FAM216B: variants seen among roughly 807,000 people sequenced by gnomAD.
The protein encoded by FAM216B is protein FAM216B.
In FAM216B, 11 loss-of-function variants were observed where a neutral mutation model predicts 12.9. The observed-to-expected ratio is 0.86, with a 90% CI of 0.54 to 1.42. The LOEUF (loss-of-function observed/expected upper bound fraction) is 1.42, where lower values mean the gene tolerates loss of function less well. FAM216B is among the 40% of genes most tolerant of loss of function. The pLI is 0.00. For missense variants in FAM216B, 167 were observed against 162.9 expected, an observed-to-expected ratio of 1.02 and a Z score of -0.14; for synonymous variants, 52 against 57.2, an observed-to-expected ratio of 0.91 and a Z score of 0.41.
In FAM216B at chr13:42,784,186, T is replaced by TTTTTTTC; in HGVS notation, c.99+26_99+27insCTTTTTT. The stretch of plus-strand genomic sequence containing the variant: ...CTAAAGGTATGGCTTTTTTTTTTTT[T>TTTTTTTC]TTTTTTTCACAGATAGAGTGACCTG... On this transcript the variant is annotated intron_variant, in intron 2 of 3. Transcript: ENST00000313851. 6.5e-7 allele frequency: 1 copy of TTTTTTTC among 1,537,576 alleles called. No individual in the cohort carries two copies. Among genetic ancestry groups the TTTTTTTC allele is most frequent in the South Asian group, 1.2e-5 (1 of 80,478 alleles).
At position 42,790,586 on chromosome 13, in the gene FAM216B, G is replaced by A. The variant is rs1874279355; in HGVS notation, c.*1796G>A. ...AAGATGATAATATGCCCCTGCACTT[G>A]AGACCTTACTTGAAACTTAAAGAAA... On this transcript the variant is annotated 3_prime_UTR_variant, in exon 4 of 4. Transcript: ENST00000313851. 6.6e-6 allele frequency: 1 copy of A among 152,148 alleles called. No homozygotes were observed. The highest frequency in any genetic ancestry group is 2.4e-5 in the African/African-American group (1 of 41,440). The allele number at this position is 152,148 out of a possible 1,614,324, so 9.4% of individuals were successfully genotyped here. A position where few individuals can be genotyped will look rare whatever the true frequency, so the allele number is the denominator to read the frequency against.
chr13:42,784,264 G>A (rs1293421237), intron 2 of FAM216B, 98 bp downstream of exon 2: 3 of 808,230 alleles, frequency 3.7e-6, no homozygotes. Flanking sequence ...TGTTTACCTA[G>A]CATTAAGAAG....
At chr13:42,788,555 G>A in intron 3 of FAM216B, 36 bp from the exon 4 acceptor site, 1 of 1,515,696 alleles carries the variant, frequency 6.6e-7, no homozygotes, top group Non-Finnish European at 8.9e-7. Flanking sequence ...TTGTAAAATT[G>A]TTGATTTTGA....
chr13:42,785,302 A>C (rs1031347527), intron 2 of FAM216B, among the ~76,000 whole-genome samples: 5 of 152,216 alleles, frequency 3.3e-5, no homozygotes, highest in Admixed American at 1.3e-4. Flanking sequence ...AAAACCAAAA[A>C]CAAAACAAAA....
At chr13:42,787,192 A>G (rs1874126561) in intron 3 of FAM216B, among the ~76,000 whole-genome samples, 2 of 152,236 alleles carry the variant, frequency 1.3e-5, no homozygotes, top group South Asian at 4.1e-4. Context: ...CGAGGCTCAA[A>G]GCACAGCTCA....
chr13:42,787,864 G>A (rs1324427), intron 3 of FAM216B, among the ~76,000 whole-genome samples: 2 of 151,978 alleles, frequency 1.3e-5, no homozygotes, highest in African/African-American at 4.8e-5. Flanking sequence ...TCAAACACCT[G>A]TATGTGGCAG....
At chr13:42,785,884 A>G (rs1874065906) in intron 2 of FAM216B, among the ~76,000 whole-genome samples, 2 of 152,152 alleles carry the variant, frequency 1.3e-5, no homozygotes, top group Admixed American at 1.3e-4. Context: ...TGCTAAGCAC[A>G]TCCCAGGCCT....
chr13:42,784,173 CTTTTTTTTT>C lies in FAM216B; in HGVS notation c.99+19_99+27del. ...TGACACTTCCTTACTAAAGGTATGG[CTTTTTTTTT>C]TTTTTTTTTTTCACAGATAGAGTGA... On this transcript the variant is annotated splice_region_variant and intron_variant, in intron 2 of 3. Transcript: ENST00000313851. 1 of 750,736 alleles carries C rather than the reference CTTTTTTTTT, an allele frequency of 1.3e-6. No individual in the cohort carries two copies. The highest frequency in any genetic ancestry group is 2.8e-5 in the African/African-American group (1 of 35,314). 46.5% of individuals were successfully genotyped at this position (750,736 alleles called of 1,614,324 possible). A position where few individuals can be genotyped will look rare whatever the true frequency, so the allele number is the denominator to read the frequency against.
rs545884161 is a variant in FAM216B at position 42,784,055 on chromosome 13, T to G, written c.-13T>G. On this transcript the variant is annotated splice_region_variant and 5_prime_UTR_variant, in exon 2 of 4. Transcript: ENST00000313851. ...GCTATGCTTTGTTGTTTCTTGGAGG[T>G]ATAGGATAAACGATGGGACAAAACT... is the stretch of plus-strand genomic sequence containing the variant. 1.0e-5 allele frequency: 16 copies of G among 1,585,706 alleles called. No individual in the cohort carries two copies. The South Asian group carries it at 1.6e-4, about 16-fold the overall frequency.
rs1874246993 is a variant in FAM216B at position 42,789,696 on chromosome 13, A to AAAG, written c.*907_*909dup. 1 of 151,898 alleles carries AAAG rather than the reference A, an allele frequency of 6.6e-6. No individual in the cohort carries two copies. Among genetic ancestry groups the AAAG allele is most frequent in the South Asian group, 2.1e-4 (1 of 4,810 alleles). The allele number at this position is 151,898 out of a possible 1,614,324, so 9.4% of individuals were successfully genotyped here. ...AAAAATCAGTCACCAGTGCTCATGT[A>AAAG]AAGTCAAAACAAAAAAATGCTTCTT... On this transcript the variant is annotated 3_prime_UTR_variant, in exon 4 of 4. Transcript: ENST00000313851.
In FAM216B at chr13:42,788,708, CAAG is replaced by C. The variant is rs1566065124; in HGVS notation, c.343_345del (p.Arg115del). 9.9e-6 allele frequency: 16 copies of C among 1,613,832 alleles called. No homozygotes were observed. The highest frequency in any genetic ancestry group is 2.2e-5 in the South Asian group (2 of 91,068). ...ATTCCCCGGAAAACTTCAGCCATGACAAGAAGATGTCCATCAGTACTACCTGTA... is the reference window on the plus strand; with the variant it reads ...ATTCCCCGGAAAACTTCAGCCATGACAAGATGTCCATCAGTACTACCTGTA... On this transcript the variant is annotated inframe_deletion, in exon 4 of 4. Coordinates refer to ENST00000313851, the MANE Select transcript of FAM216B (RefSeq NM_001318932.2).
chr13:42,782,459 C>A (rs911056814), intron 1 of FAM216B, among the ~76,000 whole-genome samples: 2 of 152,152 alleles, frequency 1.3e-5, no homozygotes, highest in African/African-American at 4.8e-5. Context: ...GGCCATACAG[C>A]CTCTATTACA....
rs1874194923 is a variant in FAM216B at position 42,788,758 on chromosome 13, CA to C, written c.391del (p.Ser131ValfsTer28). On this transcript the variant is annotated frameshift_variant, in exon 4 of 4. Transcript: ENST00000313851. LOFTEE classifies it low-confidence loss of function (END_TRUNC). ...LPVSVVLPRA[Q>X]SKRRQVLRN ...TGTATCTGTGGTTCTACCTAGGGCC[CA>C]AAGTAAAAGGCGCCAAGTGCTCAGG... The C allele has an allele frequency of 6.2e-7, 1 of 1,612,966 alleles. No individual in the cohort carries two copies. The highest frequency in any genetic ancestry group is 1.1e-5 in the South Asian group (1 of 90,934).
intron 3 of FAM216B, 43 bp downstream of exon 3, chr13:42,786,926 A>G (rs752822756): frequency 1.2e-6 from 2 of 1,608,742 alleles, no homozygotes; most frequent in South Asian, 2.2e-5. Context: ...CTAAGGAATC[A>G]ACTCGTGCTG....
In FAM216B at chr13:42,791,228, A is replaced by T. The variant is rs1874303636; in HGVS notation, c.*2438A>T. Reference sequence around the variant, plus strand: ...CTGTTGAGTTTTAAATAATACATATATGTAAGCTTCAAAGTAGCACATTTG... The same window carrying T: ...CTGTTGAGTTTTAAATAATACATATTTGTAAGCTTCAAAGTAGCACATTTG... On this transcript the variant is annotated 3_prime_UTR_variant, in exon 4 of 4. Coordinates refer to ENST00000313851, the MANE Select transcript of FAM216B (RefSeq NM_001318932.2). 1 of 152,202 alleles carries T rather than the reference A, an allele frequency of 6.6e-6. No individual in the cohort carries two copies. The highest frequency in any genetic ancestry group is 1.5e-5 in the Non-Finnish European group (1 of 68,032). 9.4% of individuals were successfully genotyped at this position (152,202 alleles called of 1,614,324 possible). A position where few individuals can be genotyped will look rare whatever the true frequency, so the allele number is the denominator to read the frequency against.
In FAM216B at chr13:42,787,923, A is replaced by T. The variant is rs564583527; in HGVS notation, c.221-668A>T. On this transcript the variant is annotated intron_variant, in intron 3 of 3. Transcript: ENST00000313851. ...CAGAAGAGAAAACTAAAACATGAACAAGTTAAATAGCTTGACCAGGGTCAT... is the reference window on the plus strand; with the variant it reads ...CAGAAGAGAAAACTAAAACATGAACTAGTTAAATAGCTTGACCAGGGTCAT... Among the ~76,000 whole-genome samples the T allele has an allele frequency of 2.6e-5, 4 of 152,340 alleles. No individual in the cohort carries two copies. In the East Asian group the frequency reaches 7.7e-4, roughly 29 times the overall value.
chr13:42,790,010 C>A lies in FAM216B; in HGVS notation c.*1220C>A, dbSNP rs559243389. ...AGGAATGGGAAGTGTGGTTGGCCCA[C>A]TAGTCTGATAAGAAGTCTTGGTGAA... On this transcript the variant is annotated 3_prime_UTR_variant, in exon 4 of 4. Transcript: ENST00000313851. 1 of 152,174 alleles carries A rather than the reference C, an allele frequency of 6.6e-6. No homozygotes were observed. The highest frequency in any genetic ancestry group is 1.5e-5 in the Non-Finnish European group (1 of 68,024). The allele number at this position is 152,174 out of a possible 1,614,324, so 9.4% of individuals were successfully genotyped here.
Position 42,790,917 on chromosome 13 carries a change from G to T in FAM216B, c.*2127G>T, listed in dbSNP as rs1473735329. 6.6e-6 allele frequency: 1 copy of T among 152,110 alleles called. No homozygotes were observed. Among genetic ancestry groups the T allele is most frequent in the Non-Finnish European group, 1.5e-5 (1 of 68,032 alleles). The allele number at this position is 152,110 out of a possible 1,614,324, so 9.4% of individuals were successfully genotyped here. ...TTCAAAGATTCTGCAAGTCAGACTGGCCTCTGGCTTTGTGATATTATTCTA... is the reference window on the plus strand; with the variant it reads ...TTCAAAGATTCTGCAAGTCAGACTGTCCTCTGGCTTTGTGATATTATTCTA... On this transcript the variant is annotated 3_prime_UTR_variant, in exon 4 of 4. Transcript: ENST00000313851.
chr13:42,788,160 T>C (rs182237694), intron 3 of FAM216B, among the ~76,000 whole-genome samples: 4 of 152,316 alleles, frequency 2.6e-5, no homozygotes, highest in East Asian at 1.9e-4. Flanking sequence ...ATTAACCCTC[T>C]GAGTTTCTGA....
Sources: allele counts gnomAD v4.1 joint callset (sites outside exome capture counted in the v4.1 genomes callset), GRCh38; gene constraint gnomAD v4.1.1; transcripts MANE v1.5; gene names NCBI Gene and HGNC (gene_info 2026-07-23, HGNC 2026-07-21).